CHRM2: variants seen among roughly 807,000 people sequenced by gnomAD.
CHRM2 encodes the protein cholinergic receptor muscarinic 2.
A neutral mutation model predicts 25.0 loss-of-function variants in CHRM2; 8 were observed. The ratio of observed to expected loss-of-function variants is 0.32; its 90% CI spans 0.19 to 0.58. The LOEUF (loss-of-function observed/expected upper bound fraction) is 0.58. Ranked by LOEUF, CHRM2 falls within the 20% of genes least tolerant of loss-of-function variation. CHRM2 has a pLI of 0.88. For synonymous variants in CHRM2, 202 were observed against 205.7 expected (o/e 0.98, Z 0.15); for missense variants, 440 against 567.1 (o/e 0.78, Z 2.28).
intron 2 of CHRM2, among the ~76,000 whole-genome samples, chr7:136,944,741 C>T (rs531170677): frequency 6.6e-5 from 10 of 151,942 alleles, no homozygotes; most frequent in Non-Finnish European, 1.0e-4. Context: ...TTTAAGGAAT[C>T]GCCACATTGT....
intron 2 of CHRM2, among the ~76,000 whole-genome samples, chr7:136,976,236 C>T (rs1802097844): frequency 6.6e-6 from 1 of 152,020 alleles, no homozygotes; most frequent in African/African-American, 2.4e-5. Flanking sequence ...TATTGCATGA[C>T]ATAGAAGACT....
chr7:136,923,481 AT>A (rs889784543), intron 2 of CHRM2, among the ~76,000 whole-genome samples: 51 of 149,454 alleles, frequency 3.4e-4, no homozygotes, highest in African/African-American at 6.4e-4. Context: ...AATCCAATCA[AT>A]TTTTTTTTTA....
intron 2 of CHRM2, among the ~76,000 whole-genome samples, chr7:136,913,196 CA>C (rs1301500638): frequency 2.0e-5 from 3 of 151,806 alleles, no homozygotes; most frequent in Admixed American, 6.6e-5. Context: ...CAGATTATTC[CA>C]TTAATTTACA....
intron 2 of CHRM2, chr7:136,899,256 CT>C (rs1365100232): frequency 3.3e-5 from 5 of 151,986 alleles, no homozygotes; most frequent in Non-Finnish European, 7.4e-5. Flanking sequence ...AAAAAGGGCT[CT>C]TTCTGTCTGG....
intron 2 of CHRM2, among the ~76,000 whole-genome samples, chr7:136,983,868 G>A (rs954405007): frequency 1.3e-4 from 20 of 152,308 alleles, no homozygotes; most frequent in African/African-American, 4.3e-4. Flanking sequence ...TGAGGTGTTT[G>A]TCAATCCCTG....
At chr7:136,939,505 A>T (rs917718862) in intron 2 of CHRM2, among the ~76,000 whole-genome samples, 2 of 152,060 alleles carry the variant, frequency 1.3e-5, no homozygotes, top group South Asian at 2.1e-4. Flanking sequence ...GTAAAGAATT[A>T]AAAAAAATAC....
chr7:136,989,227 T>A (rs371934969), intron 2 of CHRM2, among the ~76,000 whole-genome samples: 1 of 151,012 alleles, frequency 6.6e-6, no homozygotes, highest in African/African-American at 2.4e-5. Context: ...TAAAGATTTT[T>A]GTTTTTATAG....
Position 137,016,254 on chromosome 7 carries a change from C to T in CHRM2, c.1389C>T (p.Gly463=), listed in dbSNP as rs573795503. ...TCATGTGTCATTATAAGAACATAGGCGCTACAAGGTAAAATATCTTTGAAA... is the reference window on the plus strand; with the variant it reads ...TCATGTGTCATTATAAGAACATAGGTGCTACAAGGTAAAATATCTTTGAAA... ...HLLMCHYKNI[G]ATR Residue 463 remains glycine, a synonymous_variant, in exon 4 of 4, where the codon GGC becomes GGT. Transcript: ENST00000680005. The T allele has an allele frequency of 3.2e-5, 52 of 1,612,346 alleles. No homozygotes were observed. The highest frequency in any genetic ancestry group is 4.4e-5 in the South Asian group (4 of 91,030).
intron 2 of CHRM2, among the ~76,000 whole-genome samples, chr7:136,891,971 G>A (rs1305887978): frequency 1.3e-5 from 2 of 152,162 alleles, no homozygotes; most frequent in Non-Finnish European, 2.9e-5. Flanking sequence ...TTTACTTCAT[G>A]TTTTTGATAA....
rs145669450 is a variant in CHRM2, at chr7:137,020,163, AATATAT to A, written c.*3904_*3909del. 1 of 150,488 alleles carries A rather than the reference AATATAT, an allele frequency of 6.6e-6. No homozygotes were observed. The highest frequency in any genetic ancestry group is 2.4e-5 in the African/African-American group (1 of 41,094). 9.3% of individuals were successfully genotyped at this position (150,488 alleles called of 1,614,324 possible). A position where few individuals can be genotyped will look rare whatever the true frequency, so the allele number is the denominator to read the frequency against. On this transcript the variant is annotated 3_prime_UTR_variant, in exon 4 of 4. Coordinates refer to ENST00000680005, the MANE Select transcript of CHRM2 (RefSeq NM_001006630.2). ...TCTTCCTGGAATATGCTATGTGCTA[AATATAT>A]ATATATTCTATAAATAAAATAATAA...
intron 2 of CHRM2, among the ~76,000 whole-genome samples, chr7:136,938,821 G>A (rs1584789615): frequency 1.3e-5 from 2 of 151,070 alleles, no homozygotes; most frequent in African/African-American, 2.4e-5. Flanking sequence ...CCCACCCGCA[G>A]GGGAGTTTAC....
chr7:136,924,566 CT>C (rs760875161), intron 2 of CHRM2, among the ~76,000 whole-genome samples: 40 of 152,252 alleles, frequency 2.6e-4, no homozygotes, highest in Middle Eastern at 6.8e-3. Context: ...CCCGCTGATA[CT>C]TTGCCCAAAG....
At chr7:137,004,059 C>T (rs1804254545) in intron 3 of CHRM2, among the ~76,000 whole-genome samples, 1 of 152,122 alleles carries the variant, frequency 6.6e-6, no homozygotes, top group Non-Finnish European at 1.5e-5. Context: ...GGTATTTCTT[C>T]ATAGCACTCT....
chr7:136,894,643 A>C (rs751591592), intron 2 of CHRM2, among the ~76,000 whole-genome samples: 1 of 152,306 alleles, frequency 6.6e-6, no homozygotes, highest in African/African-American at 2.4e-5. Context: ...AAGTGCTGGG[A>C]TTACAGGTGT....
chr7:136,968,238 T>C (rs1269441573), intron 2 of CHRM2, among the ~76,000 whole-genome samples: 1 of 151,994 alleles, frequency 6.6e-6, no homozygotes, highest in Non-Finnish European at 1.5e-5. Flanking sequence ...CCCATCCCAC[T>C]GCCACAGCCT....
intron 2 of CHRM2, among the ~76,000 whole-genome samples, chr7:136,931,363 A>C (rs969207937): frequency 6.6e-6 from 1 of 152,194 alleles, no homozygotes; most frequent in Non-Finnish European, 1.5e-5. Flanking sequence ...TTAAGTGATA[A>C]AGATTTTGAT....
intron 2 of CHRM2, among the ~76,000 whole-genome samples, chr7:136,900,151 C>G (rs1480778444): frequency 6.6e-6 from 1 of 151,940 alleles, no homozygotes; most frequent in Non-Finnish European, 1.5e-5. Context: ...AAAAGACAGG[C>G]TTATTTCTGA....
At chr7:136,999,688 T>C (rs1353200748) in intron 3 of CHRM2, among the ~76,000 whole-genome samples, 1 of 152,190 alleles carries the variant, frequency 6.6e-6, no homozygotes, top group Non-Finnish European at 1.5e-5. Context: ...ACATTCTTGC[T>C]CTGGATATCC....
At chr7:136,941,862 G>T (rs889073149) in intron 2 of CHRM2, among the ~76,000 whole-genome samples, 1 of 152,148 alleles carries the variant, frequency 6.6e-6, no homozygotes, top group Non-Finnish European at 1.5e-5. Context: ...AGGGACAATT[G>T]TAGGGTCTGG....
Sources: allele counts gnomAD v4.1 joint callset (sites outside exome capture counted in the v4.1 genomes callset), GRCh38; gene constraint gnomAD v4.1.1; transcripts MANE v1.5; gene names NCBI Gene and HGNC (gene_info 2026-07-23, HGNC 2026-07-21).